EEPD1: variants seen among roughly 807,000 people sequenced by gnomAD.
EEPD1 encodes endonuclease/exonuclease/phosphatase family domain containing 1.
A neutral mutation model predicts 46.3 loss-of-function variants in EEPD1; 17 were observed. The observed-to-expected ratio is 0.37, with a 90% CI of 0.25 to 0.55. EEPD1 has a LOEUF of 0.55. Among genes scored for constraint, EEPD1 ranks in the 20% least tolerant of loss-of-function variants. The pLI is 0.83. For missense variants in EEPD1, 673 were observed against 745.6 expected (o/e 0.90, Z 1.13); for synonymous variants, 313 against 315.6 (o/e 0.99, Z 0.09).
chr7:36,225,803 T>G lies in EEPD1; in HGVS notation c.879-13182T>G, dbSNP rs917779556. 6.6e-6 allele frequency among the ~76,000 whole-genome samples: 1 copy of G among 152,138 alleles called. No homozygotes were observed. Among genetic ancestry groups the G allele is most frequent in the African/African-American group, 2.4e-5 (1 of 41,418 alleles). On this transcript the variant is annotated intron_variant, in intron 2 of 7. Transcript: ENST00000242108. The surrounding 1 kb of genome is among the most constrained non-coding windows in gnomAD (Gnocchi z 4.2). ...ATGAACCCTCTACAAAATTTGGGGG[T>G]TATGTAGCAACCCAAACAATTTTAT...
At chr7:36,206,546 C>T (rs1785821311) in intron 2 of EEPD1, among the ~76,000 whole-genome samples, 1 of 152,154 alleles carries the variant, frequency 6.6e-6, no homozygotes, top group African/African-American at 2.4e-5. Context: ...ATACACTCAG[C>T]ACCTTACAGA....
chr7:36,287,560 ATTTATGAG>A, intron 5 of EEPD1, 71 bp from the exon 6 acceptor site: 9 of 1,547,254 alleles, frequency 5.8e-6, no homozygotes, highest in Non-Finnish European at 7.9e-6. Context: ...GCACAAAGCT[ATTTATGAG>A]TCGGTTGTAA....
At chr7:36,174,884 A>C (rs1329557029) in intron 2 of EEPD1, among the ~76,000 whole-genome samples, 1 of 152,222 alleles carries the variant, frequency 6.6e-6, no homozygotes, top group Non-Finnish European at 1.5e-5. Context: ...AATTTAATAG[A>C]GTTTAATTGA....
chr7:36,179,974 G>A (rs1785245765), intron 2 of EEPD1, among the ~76,000 whole-genome samples: 1 of 152,170 alleles, frequency 6.6e-6, no homozygotes, highest in Non-Finnish European at 1.5e-5. Flanking sequence ...TGCCCTGAGT[G>A]GGGCCGGGGT....
At chr7:36,211,828 G>A (rs547774768) in intron 2 of EEPD1, among the ~76,000 whole-genome samples, 55 of 152,122 alleles carry the variant, frequency 3.6e-4, no homozygotes, top group Admixed American at 1.1e-3. Context: ...AGGAGGCTGA[G>A]GCAGGAAAAT....
chr7:36,252,615 G>A (rs62447766), intron 3 of EEPD1, among the ~76,000 whole-genome samples: 157 of 126,206 alleles, frequency 1.2e-3, no homozygotes, highest in Non-Finnish European at 2.2e-3. Context: ...CAATATAAGC[G>A]CCAGGGAAAA....
chr7:36,229,140 G>C (rs918112121), intron 2 of EEPD1: 3 of 152,450 alleles, frequency 2.0e-5, no homozygotes, highest in Non-Finnish European at 2.9e-5. Context: ...ATCAGGTACA[G>C]GGCCTGTGTC....
At chr7:36,254,449 G>A (rs1463520453) in intron 3 of EEPD1, among the ~76,000 whole-genome samples, 1 of 152,088 alleles carries the variant, frequency 6.6e-6, no homozygotes, top group Non-Finnish European at 1.5e-5. Context: ...CCCTGCAAAG[G>A]ACATGAACTC....
Position 36,155,205 on chromosome 7 carries a change from G to A in EEPD1, c.878+3G>A. 6.6e-7 allele frequency: 1 copy of A among 1,511,468 alleles called. No individual in the cohort carries two copies. Among genetic ancestry groups the A allele is most frequent in the Non-Finnish European group, 8.9e-7 (1 of 1,129,538 alleles). The allele number at this position is 1,511,468 out of a possible 1,614,324, so 93.6% of individuals were successfully genotyped here. A position where few individuals can be genotyped will look rare whatever the true frequency, so the allele number is the denominator to read the frequency against. ...TGCATGACACTCCTGGAAAACAGGTGAGGACAGGAACCACCATGGGTGTTG... is the reference window on the plus strand; with the variant it reads ...TGCATGACACTCCTGGAAAACAGGTAAGGACAGGAACCACCATGGGTGTTG... On this transcript the variant is annotated splice_donor_region_variant and intron_variant, in intron 2 of 7. Transcript: ENST00000242108.
chr7:36,255,612 G>A (rs1447619037), intron 3 of EEPD1, among the ~76,000 whole-genome samples: 3 of 152,136 alleles, frequency 2.0e-5, no homozygotes, highest in Non-Finnish European at 4.4e-5. Flanking sequence ...TGGTTTATTT[G>A]CGTACAAGTG....
intron 2 of EEPD1, among the ~76,000 whole-genome samples, chr7:36,196,224 T>G (rs185056184): frequency 5.3e-4 from 81 of 152,032 alleles, no homozygotes; most frequent in African/African-American, 1.9e-3. Flanking sequence ...GAGTGGCGAG[T>G]GAATGTGAAG....
At chr7:36,180,399 T>A (rs1583791361) in intron 2 of EEPD1, among the ~76,000 whole-genome samples, 1 of 152,112 alleles carries the variant, frequency 6.6e-6, no homozygotes, top group Admixed American at 6.5e-5. Context: ...ACTTTCATTC[T>A]CCATTCTGGG....
At position 36,190,775 on chromosome 7, in the gene EEPD1, G is replaced by C. The variant is rs983344276; in HGVS notation, c.878+35573G>C. On this transcript the variant is annotated intron_variant, in intron 2 of 7. Transcript: ENST00000242108. ...AAATGACTCTTTCAAAGTGGGGGAG[G>C]TTGGGGATAAAGCATGTAGCTTGGT... 3.1e-4 allele frequency among the ~76,000 whole-genome samples: 47 copies of C among 152,224 alleles called. 1 individual carries two copies. The highest frequency in any genetic ancestry group is 1.0e-4 in the Non-Finnish European group (7 of 68,044).
chr7:36,264,287 C>A (rs1786977230), intron 3 of EEPD1, among the ~76,000 whole-genome samples: 1 of 152,144 alleles, frequency 6.6e-6, no homozygotes. Flanking sequence ...GGGGGAAGCC[C>A]GCAGTGGGGT....
At chr7:36,266,990 T>G (rs1787029373) in intron 3 of EEPD1, among the ~76,000 whole-genome samples, 1 of 152,224 alleles carries the variant, frequency 6.6e-6, no homozygotes, top group South Asian at 2.1e-4. Context: ...GACATTTGGG[T>G]CATTTCCATC....
chr7:36,223,180 AAG>A (rs1562692573), intron 2 of EEPD1, among the ~76,000 whole-genome samples: 9 of 151,946 alleles, frequency 5.9e-5, no homozygotes, highest in African/African-American at 1.9e-4. Context: ...AAATAAATAA[AAG>A]TAATAATAAG....
chr7:36,248,668 A>G (rs1466562387), intron 3 of EEPD1, among the ~76,000 whole-genome samples: 2 of 152,038 alleles, frequency 1.3e-5, no homozygotes, highest in African/African-American at 2.4e-5. Context: ...TGAGTGATCA[A>G]TATTCATATA....
At chr7:36,194,892 A>G (rs1011005) in intron 2 of EEPD1, among the ~76,000 whole-genome samples, 64,015 of 152,072 alleles carry the variant, frequency 0.42, 14,313 homozygotes, top group South Asian at 0.51. Context: ...ATGTGTCCTC[A>G]CCTAATCTAC....
At chr7:36,280,966 T>C (rs1379536668) in intron 3 of EEPD1, 149 bp from the exon 4 acceptor site, 2 of 600,382 alleles carry the variant, frequency 3.3e-6, no homozygotes, top group Non-Finnish European at 5.8e-6. Flanking sequence ...TTGCAAACCC[T>C]AGTGTTTGAA....
Sources: allele counts gnomAD v4.1 joint callset (sites outside exome capture counted in the v4.1 genomes callset), GRCh38; gene constraint gnomAD v4.1.1; non-coding constraint Gnocchi (gnomAD v3.1); transcripts MANE v1.5; gene names NCBI Gene and HGNC (gene_info 2026-07-23, HGNC 2026-07-21).